USP10: variants seen among roughly 807,000 people sequenced by gnomAD.
USP10 encodes ubiquitin specific peptidase 10.
In USP10, 22 loss-of-function variants were observed where a neutral mutation model predicts 84.5. That is an observed-to-expected ratio of 0.26 (90% CI 0.19 to 0.37). The LOEUF is 0.37. Among genes scored for constraint, USP10 ranks in the 10% least tolerant of loss-of-function variants. The pLI is 1.00. For missense variants in USP10, 1,019 were observed against 998.9 expected (o/e 1.02, Z -0.27); for synonymous variants, 454 against 387.6 (o/e 1.17, Z -2.01).
At chr16:84,765,174 A>T (rs567544517) in intron 10 of USP10, among the ~76,000 whole-genome samples, 6 of 151,678 alleles carry the variant, frequency 4.0e-5, no homozygotes, top group African/African-American at 1.5e-4. Flanking sequence ...TATTTAAAGT[A>T]TACACAGATG....
intron 9 of USP10, 113 bp downstream of exon 9, chr16:84,763,201 G>A (rs566163935): frequency 1.9e-5 from 11 of 568,602 alleles, no homozygotes; most frequent in East Asian, 1.1e-4. Flanking sequence ...CTTTCAAATA[G>A]CATTTATTCC....
In USP10 at chr16:84,760,310, GT is replaced by G. The variant is rs1567639715; in HGVS notation, c.1554+37del. The G allele has an allele frequency of 3.9e-6, 6 of 1,538,072 alleles. No individual in the cohort carries two copies. The South Asian group carries it at 7.1e-5, about 18-fold the overall frequency. On this transcript the variant is annotated intron_variant, in intron 8 of 13. Coordinates refer to ENST00000219473, the MANE Select transcript of USP10 (RefSeq NM_005153.3). ...TTCTCTGTTGTCACTAGTATCAAGTGTTGCCTTTTGTTCCAGTGTTTGTGTG... is the reference window on the plus strand; with the variant it reads ...TTCTCTGTTGTCACTAGTATCAAGTGTGCCTTTTGTTCCAGTGTTTGTGTG...
At chr16:84,731,978 GCT>G (rs1226056980) in intron 1 of USP10, among the ~76,000 whole-genome samples, 2 of 151,906 alleles carry the variant, frequency 1.3e-5, no homozygotes, top group Non-Finnish European at 2.9e-5. Flanking sequence ...CCATTTTGAG[GCT>G]CTGTTTATTT....
At chr16:84,771,152 C>T (rs1914410570) in intron 11 of USP10, among the ~76,000 whole-genome samples, 1 of 152,072 alleles carries the variant, frequency 6.6e-6, no homozygotes, top group South Asian at 2.1e-4. Flanking sequence ...TGTAAAGATG[C>T]ATCTTAGTGA....
chr16:84,749,826 G>A (rs1372034688), intron 4 of USP10, among the ~76,000 whole-genome samples: 1 of 152,100 alleles, frequency 6.6e-6, no homozygotes, highest in Non-Finnish European at 1.5e-5. Flanking sequence ...CCACTTTAAC[G>A]GGTTCTACTT....
chr16:84,765,244 C>A (rs1913721460), intron 10 of USP10, among the ~76,000 whole-genome samples: 1 of 92,250 alleles, frequency 1.1e-5, no homozygotes, highest in Non-Finnish European at 2.0e-5. Flanking sequence ...TATTCCCCAT[C>A]ACAGTTACCC....
intron 12 of USP10, 109 bp downstream of exon 12, chr16:84,772,794 C>G: frequency 7.2e-7 from 1 of 1,381,930 alleles, no homozygotes; most frequent in African/African-American, 1.4e-5. Context: ...CATTCTCTTG[C>G]TGGACGTGGA....
Position 84,745,148 on chromosome 16 carries a change from G to A in USP10, c.667G>A (p.Val223Met), listed in dbSNP as rs753660452. ...QNSTDSVSDIVPDSPFPGALG... is the reference protein window; with the variant it reads ...QNSTDSVSDIMPDSPFPGALG... ...CTCCACAGACTCTGTCAGTGACATTGTGCCTGACAGTCCTTTCCCCGGAGC... is the reference window on the plus strand; with the variant it reads ...CTCCACAGACTCTGTCAGTGACATTATGCCTGACAGTCCTTTCCCCGGAGC... Residue 223 changes from valine (V) to methionine (M), a missense_variant, in exon 4 of 14, where the codon GTG (valine) becomes ATG (methionine). Val to Met is a conservative substitution (Grantham distance 21, BLOSUM62 1). Around this residue, in one of 2 missense-constraint regions of USP10, gnomAD observed 787 missense variants for 708.8 expected, o/e 1.11. Coordinates refer to ENST00000219473, the MANE Select transcript of USP10 (RefSeq NM_005153.3). The A allele has an allele frequency of 2.5e-6, 4 of 1,613,466 alleles. No homozygotes were observed. The highest frequency in any genetic ancestry group is 3.4e-6 in the Non-Finnish European group (4 of 1,179,696).
chr16:84,733,632 G>T, intron 2 of USP10, 129 bp downstream of exon 2: 1 of 587,912 alleles, frequency 1.7e-6, no homozygotes, highest in South Asian at 2.8e-5. Flanking sequence ...TATGAGAAAT[G>T]CCTCAACCCA....
intron 1 of USP10, among the ~76,000 whole-genome samples, chr16:84,713,274 C>T (rs1906545646): frequency 6.6e-6 from 1 of 152,178 alleles, no homozygotes; most frequent in African/African-American, 2.4e-5. Flanking sequence ...TCCCCGAGAC[C>T]CTCTGTCTGT....
chr16:84,727,336 C>T (rs1567605115), intron 1 of USP10, among the ~76,000 whole-genome samples: 1 of 152,122 alleles, frequency 6.6e-6, no homozygotes, highest in African/African-American at 2.4e-5. Flanking sequence ...AATTTTCCCC[C>T]CTCATGTGAC....
At chr16:84,775,746 A>AC (rs1224751252) in intron 13 of USP10, among the ~76,000 whole-genome samples, 1 of 151,988 alleles carries the variant, frequency 6.6e-6, no homozygotes, top group Non-Finnish European at 1.5e-5. Context: ...GGTGAATGGC[A>AC]CCCCCTGTTC....
At chr16:84,708,341 T>C (rs1001503714) in intron 1 of USP10, among the ~76,000 whole-genome samples, 3 of 151,994 alleles carry the variant, frequency 2.0e-5, no homozygotes, top group Non-Finnish European at 4.4e-5. Context: ...TCCCAGCTGC[T>C]CCGAAGGCTG....
chr16:84,765,074 A>C (rs1008464861), intron 10 of USP10, among the ~76,000 whole-genome samples: 38 of 146,212 alleles, frequency 2.6e-4, no homozygotes, highest in Non-Finnish European at 4.8e-4. Context: ...GACTGTCTTC[A>C]AAAAAAAAAA....
chr16:84,757,443 G>GTGTGTT (rs1287681148), intron 4 of USP10, among the ~76,000 whole-genome samples: 20 of 145,912 alleles, frequency 1.4e-4, no homozygotes, highest in African/African-American at 4.3e-4. Flanking sequence ...GTGTGTGTGT[G>GTGTGTT]TGTTTTGAAT....
chr16:84,704,638 T>C (rs1905251263), intron 1 of USP10: 4 of 1,395,010 alleles, frequency 2.9e-6, no homozygotes, highest in Admixed American at 2.8e-5. Flanking sequence ...GTATAGTATT[T>C]GTTTCAAGGA....
At chr16:84,765,842 G>A (rs1913797666) in intron 10 of USP10, among the ~76,000 whole-genome samples, 2 of 152,152 alleles carry the variant, frequency 1.3e-5, no homozygotes, top group South Asian at 4.1e-4. Context: ...GCAGCTTTTT[G>A]CTCATTCACA....
intron 2 of USP10, among the ~76,000 whole-genome samples, chr16:84,737,004 G>C (rs1370443282): frequency 2.6e-5 from 4 of 152,204 alleles, no homozygotes; most frequent in Non-Finnish European, 4.4e-5. Flanking sequence ...TAGCCAGGAT[G>C]GTCTTGATCT....
At chr16:84,701,931 C>G (rs1193950622) in intron 1 of USP10, among the ~76,000 whole-genome samples, 1 of 52,508 alleles carries the variant, frequency 1.9e-5, no homozygotes, top group Non-Finnish European at 3.9e-5. Flanking sequence ...TCATAATTTT[C>G]TTCTTCTTTT....
Sources: allele counts gnomAD v4.1 joint callset (sites outside exome capture counted in the v4.1 genomes callset), GRCh38; gene constraint gnomAD v4.1.1; regional missense constraint gnomAD v4.1.1; transcripts MANE v1.5; gene names NCBI Gene and HGNC (gene_info 2026-07-23, HGNC 2026-07-21).